The following SDC2 variants were observed in gnomAD, a reference collection of about 807,000 sequenced individuals.
SDC2 encodes syndecan-2.
Under a neutral mutation model 22.2 loss-of-function variants are expected in SDC2, and 13 were observed. That is an observed-to-expected ratio of 0.59 (90% CI 0.38 to 0.93). The LOEUF is 0.93. SDC2 is among the 40% of genes least tolerant of loss of function. The probability of loss-of-function intolerance (pLI) is 0.00; values close to 1 mark genes in which losing one functional copy is unlikely to be tolerated. For missense variants in SDC2, 235 were observed against 246.8 expected, an observed-to-expected ratio of 0.95 and a Z score of 0.32; for synonymous variants, 94 against 92.8, an observed-to-expected ratio of 1.01 and a Z score of -0.07.
At chr8:96,532,995 T>G (rs1055269087) in intron 1 of SDC2, among the ~76,000 whole-genome samples, 1 of 152,170 alleles carries the variant, frequency 6.6e-6, no homozygotes, top group Non-Finnish European at 1.5e-5. Flanking sequence ...CGCAGACCCT[T>G]GCGGTGAATG....
chr8:96,553,277 T>C (rs1814055299), intron 1 of SDC2, among the ~76,000 whole-genome samples: 1 of 152,210 alleles, frequency 6.6e-6, no homozygotes, highest in Admixed American at 6.5e-5. Context: ...GATGCTGATC[T>C]ATAAAATATA....
chr8:96,558,384 C>T (rs1814154716), intron 1 of SDC2, among the ~76,000 whole-genome samples: 1 of 151,904 alleles, frequency 6.6e-6, no homozygotes, highest in South Asian at 2.1e-4. Context: ...AGGTATGTTT[C>T]CTGTGTAGAT....
chr8:96,566,934 A>G (rs1814309416), intron 1 of SDC2, among the ~76,000 whole-genome samples: 1 of 152,124 alleles, frequency 6.6e-6, no homozygotes, highest in African/African-American at 2.4e-5. Context: ...GCTCGTTGCA[A>G]CCTTTGCCTC....
intron 1 of SDC2, among the ~76,000 whole-genome samples, chr8:96,568,894 G>A (rs1041133170): frequency 5.9e-5 from 9 of 152,198 alleles, no homozygotes; most frequent in African/African-American, 2.2e-4. Flanking sequence ...GGTGAGCAGT[G>A]TGAAGAGTAA....
chr8:96,606,839 A>C (rs1480240063), intron 3 of SDC2, among the ~76,000 whole-genome samples: 1 of 152,152 alleles, frequency 6.6e-6, no homozygotes, highest in Non-Finnish European at 1.5e-5. Context: ...GGACAAACAG[A>C]TAGTAAAAGA....
intron 1 of SDC2, among the ~76,000 whole-genome samples, chr8:96,494,963 A>C (rs1012104835): frequency 6.6e-6 from 1 of 152,214 alleles, no homozygotes; most frequent in African/African-American, 2.4e-5. Context: ...TCAAGGGGAT[A>C]CTGGGGGAGG....
chr8:96,601,071 G>T (rs1471656585), intron 2 of SDC2, among the ~76,000 whole-genome samples: 2 of 152,138 alleles, frequency 1.3e-5, no homozygotes, highest in African/African-American at 4.8e-5. Context: ...AGAGAGGTGA[G>T]GGGGAAGCCA....
At chr8:96,550,274 G>A (rs1814005849) in intron 1 of SDC2, among the ~76,000 whole-genome samples, 1 of 152,188 alleles carries the variant, frequency 6.6e-6, no homozygotes, top group African/African-American at 2.4e-5. Context: ...TTTGAGCACT[G>A]ACGTGACACA....
At chr8:96,542,713 G>C (rs769625506) in intron 1 of SDC2, among the ~76,000 whole-genome samples, 5 of 148,594 alleles carry the variant, frequency 3.4e-5, no homozygotes, top group African/African-American at 1.0e-4. Flanking sequence ...AATTCAGGGC[G>C]GGGGTAAGTC....
intron 1 of SDC2, among the ~76,000 whole-genome samples, chr8:96,515,936 C>T (rs1190529248): frequency 6.6e-6 from 1 of 152,168 alleles, no homozygotes; most frequent in Non-Finnish European, 1.5e-5. Context: ...ACTTACGGCT[C>T]CCTAGCCCTG....
At chr8:96,580,005 G>A (rs1406686732) in intron 1 of SDC2, among the ~76,000 whole-genome samples, 1 of 152,198 alleles carries the variant, frequency 6.6e-6, no homozygotes, top group Non-Finnish European at 1.5e-5. Context: ...CCCCCAGCAC[G>A]ATTGATTATA....
intron 2 of SDC2, among the ~76,000 whole-genome samples, chr8:96,598,681 G>A (rs988227195): frequency 1.3e-5 from 2 of 151,892 alleles, no homozygotes; most frequent in South Asian, 2.1e-4. Flanking sequence ...AGACAGAACC[G>A]GTGCCCTGGT....
intron 1 of SDC2, among the ~76,000 whole-genome samples, chr8:96,589,063 G>A (rs1814732855): frequency 6.6e-6 from 1 of 152,188 alleles, no homozygotes; most frequent in South Asian, 2.1e-4. Flanking sequence ...TTGATCTTTT[G>A]TGTATTGAAT....
At chr8:96,537,191 G>T (rs1019069730) in intron 1 of SDC2, 2 of 152,258 alleles carry the variant, frequency 1.3e-5, no homozygotes, top group African/African-American at 4.8e-5. Flanking sequence ...TGAAAAGATT[G>T]TACTGTGACA....
At chr8:96,543,991 C>T (rs142115662) in intron 1 of SDC2, among the ~76,000 whole-genome samples, 1 of 152,236 alleles carries the variant, frequency 6.6e-6, no homozygotes, top group African/African-American at 2.4e-5. Context: ...GTGACTTACT[C>T]GAGATGCTAG....
At chr8:96,536,518 C>T (rs1813757667) in intron 1 of SDC2, among the ~76,000 whole-genome samples, 1 of 116,526 alleles carries the variant, frequency 8.6e-6, no homozygotes, top group African/African-American at 3.0e-5. Context: ...TACGGGGTTT[C>T]ACCATGTTGC....
At chr8:96,517,252 A>T (rs1242871843) in intron 1 of SDC2, among the ~76,000 whole-genome samples, 1 of 152,194 alleles carries the variant, frequency 6.6e-6, no homozygotes, top group East Asian at 1.9e-4. Flanking sequence ...CTGTGAAGAA[A>T]TGTCTATTCA....
At chr8:96,517,771 ATGTG>A (rs34151563) in intron 1 of SDC2, among the ~76,000 whole-genome samples, 2,004 of 149,390 alleles carry the variant, frequency 0.013, 24 homozygotes, top group East Asian at 0.038. Flanking sequence ...GTGTGTGTGC[ATGTG>A]TGTGTGTGTG....
rs561175487 is a variant in SDC2, at chr8:96,583,984, C to G, written c.61-9496C>G. On this transcript the variant is annotated intron_variant, in intron 1 of 4. Transcript: ENST00000302190. ...TAACTTTTATTTCATTAGGATAATT[C>G]CTGGGAGAAGAAACATCTGGTCAAA... 5.3e-4 allele frequency among the ~76,000 whole-genome samples: 81 copies of G among 152,154 alleles called. No individual in the cohort carries two copies. The South Asian group carries it at 0.017, about 32-fold the overall frequency.
Sources: gnomAD v4.1 joint callset for allele counts (sites outside exome capture counted in the v4.1 genomes callset) on GRCh38, gnomAD v4.1.1 for gene constraint, MANE v1.5 for transcripts, NCBI Gene and HGNC (gene_info 2026-07-23, HGNC 2026-07-21) for gene names.